Variants in VRK2 observed in about 807,000 individuals in gnomAD.
The protein encoded by VRK2 is VRK serine/threonine kinase 2.
In VRK2, 60 loss-of-function variants were observed where a neutral mutation model predicts 57.6. The ratio of observed to expected loss-of-function variants is 1.04; its 90% CI spans 0.85 to 1.29. The LOEUF (loss-of-function observed/expected upper bound fraction) is 1.29, where lower values mean the gene tolerates loss of function less well. Among genes scored for constraint, VRK2 ranks in the 50% most tolerant of loss-of-function variants. VRK2 has a pLI of 0.00. For synonymous variants in VRK2, 231 were observed against 199.2 expected, an observed-to-expected ratio of 1.16 and a Z score of -1.35; for missense variants, 705 against 588.1, an observed-to-expected ratio of 1.20 and a Z score of -2.06.
intron 6 of VRK2, among the ~76,000 whole-genome samples, chr2:58,089,072 A>G (rs978465304): frequency 1.3e-5 from 2 of 152,212 alleles, no homozygotes; most frequent in East Asian, 1.9e-4. Flanking sequence ...TTTCTCATTT[A>G]TCCATCCTCG....
chr2:57,944,945 C>A (rs188656215), intron 1 of VRK2, among the ~76,000 whole-genome samples: 65 of 152,144 alleles, frequency 4.3e-4, no homozygotes, highest in African/African-American at 1.6e-3. Context: ...CAATTTAATT[C>A]TAGAAAGAAT....
intron 1 of VRK2, among the ~76,000 whole-genome samples, chr2:58,001,647 C>T (rs533271044): frequency 2.0e-5 from 3 of 152,160 alleles, no homozygotes; most frequent in South Asian, 4.2e-4. Flanking sequence ...CTTAATGAAA[C>T]CCCGTCTCTA....
intron 2 of VRK2, among the ~76,000 whole-genome samples, chr2:58,029,502 G>A (rs768315042): frequency 2.0e-5 from 3 of 152,144 alleles, no homozygotes; most frequent in Non-Finnish European, 4.4e-5. Context: ...TAAAGAAAAA[G>A]TTAAAAGTAC....
At chr2:58,138,604 C>A (rs1387314023) in intron 10 of VRK2, among the ~76,000 whole-genome samples, 1 of 152,114 alleles carries the variant, frequency 6.6e-6, no homozygotes, top group Admixed American at 6.6e-5. Context: ...AGTGCCTCTG[C>A]AGTTTTCCTT....
At chr2:58,010,080 T>C (rs866420383) in intron 1 of VRK2, among the ~76,000 whole-genome samples, 16 of 152,180 alleles carry the variant, frequency 1.1e-4, no homozygotes, top group Admixed American at 1.3e-4. Context: ...GCAGGATTTA[T>C]TTTTACTTAT....
chr2:58,137,089 T>TCATATATC, intron 10 of VRK2, among the ~76,000 whole-genome samples: 1 of 127,388 alleles, frequency 7.9e-6, no homozygotes, highest in Admixed American at 8.6e-5. Flanking sequence ...CATATATATG[T>TCATATATC]GTATATATCA....
intron 1 of VRK2, among the ~76,000 whole-genome samples, chr2:58,002,930 G>A (rs1392672670): frequency 6.6e-6 from 1 of 152,066 alleles, no homozygotes; most frequent in African/African-American, 2.4e-5. Flanking sequence ...AATCAACACA[G>A]GGTCATGATG....
intron 1 of VRK2, among the ~76,000 whole-genome samples, chr2:57,924,642 T>C (rs1178668663): frequency 6.6e-6 from 1 of 152,038 alleles, no homozygotes. Flanking sequence ...GATCACATCA[T>C]CTGCAAGTAA....
Position 58,083,019 on chromosome 2 carries a change from TTAATAA to T in VRK2, c.137-1067_137-1062del, listed in dbSNP as rs1188257275. On this transcript the variant is annotated intron_variant, in intron 2 of 12. Transcript: ENST00000340157. ...AATTAGAAGAAAGAAAAGGACAATG[TTAATAA>T]TAGGACACAGCATTTTAATAAATAT... is the stretch of plus-strand genomic sequence containing the variant. Among the ~76,000 whole-genome samples the T allele has an allele frequency of 2.6e-5, 4 of 151,868 alleles. No individual in the cohort carries two copies. In the East Asian group the frequency reaches 7.7e-4, roughly 29 times the overall value.
At chr2:58,010,618 A>G (rs536064777) in intron 1 of VRK2, among the ~76,000 whole-genome samples, 2 of 152,260 alleles carry the variant, frequency 1.3e-5, no homozygotes, top group East Asian at 1.9e-4. Flanking sequence ...CGGGGTATGC[A>G]GGGAGTTTCC....
At chr2:57,976,418 T>C (rs968874221) in intron 1 of VRK2, among the ~76,000 whole-genome samples, 6 of 152,118 alleles carry the variant, frequency 3.9e-5, no homozygotes, top group African/African-American at 1.4e-4. Context: ...CTCGCAATCA[T>C]CTGAATGTCT....
intron 7 of VRK2, 120 bp downstream of exon 7, chr2:58,089,843 ATT>A: frequency 4.5e-6 from 3 of 659,604 alleles, no homozygotes; most frequent in Non-Finnish European, 8.0e-6. Flanking sequence ...GAATGTTGTA[ATT>A]TATCTTACCT....
intron 2 of VRK2, among the ~76,000 whole-genome samples, chr2:58,032,154 G>C (rs183578699): frequency 1.1e-4 from 17 of 152,168 alleles, no homozygotes; most frequent in Admixed American, 3.3e-4. Flanking sequence ...TTGTGGTTAT[G>C]AACAGACAGA....
intron 7 of VRK2, among the ~76,000 whole-genome samples, chr2:58,104,085 A>G (rs1674401405): frequency 6.6e-6 from 1 of 151,756 alleles, no homozygotes; most frequent in South Asian, 2.1e-4. Context: ...AAAATAACAA[A>G]GGCCATATAT....
intron 1 of VRK2, among the ~76,000 whole-genome samples, chr2:57,971,723 A>C (rs1028396166): frequency 1.3e-5 from 2 of 151,762 alleles, no homozygotes; most frequent in African/African-American, 4.8e-5. Flanking sequence ...TAGGGTTGAA[A>C]ATTTATGATA....
At chr2:57,955,810 C>G (rs1262618244) in intron 1 of VRK2, among the ~76,000 whole-genome samples, 1 of 151,972 alleles carries the variant, frequency 6.6e-6, no homozygotes, top group Non-Finnish European at 1.5e-5. Context: ...AGAATTTTTG[C>G]ACATTAGAAA....
At chr2:57,972,240 T>TTTG (rs1553369522) in intron 1 of VRK2, among the ~76,000 whole-genome samples, 1 of 150,320 alleles carries the variant, frequency 6.7e-6, no homozygotes, top group African/African-American at 2.4e-5. Flanking sequence ...GAAACATGTT[T>TTTG]TTTGTTTGTT....
At chr2:58,159,249 T>C in intron 12 of VRK2, 100 bp from the exon 13 acceptor site, 1 of 897,460 alleles carries the variant, frequency 1.1e-6, no homozygotes, top group Non-Finnish European at 1.7e-6. Flanking sequence ...AAACTTGATC[T>C]TGTATAACAT....
intron 1 of VRK2, among the ~76,000 whole-genome samples, chr2:57,960,681 T>C (rs1671730839): frequency 1.3e-5 from 2 of 152,242 alleles, no homozygotes; most frequent in African/African-American, 4.8e-5. Flanking sequence ...GCCATCTCCT[T>C]TCTGCTGGCT....
Sources: allele counts gnomAD v4.1 joint callset (sites outside exome capture counted in the v4.1 genomes callset), GRCh38; gene constraint gnomAD v4.1.1; transcripts MANE v1.5; gene names NCBI Gene and HGNC (gene_info 2026-07-23, HGNC 2026-07-21).